Variants in ROPN1B observed in about 807,000 individuals in gnomAD.
The protein encoded by ROPN1B is ropporin-1B.
In ROPN1B, 13 loss-of-function variants were observed where a neutral mutation model predicts 23.7. That is an observed-to-expected ratio of 0.55 (90% CI 0.36 to 0.87). The LOEUF (loss-of-function observed/expected upper bound fraction) is 0.87, where lower values mean the gene tolerates loss of function less well. Ranked by LOEUF, ROPN1B falls within the 40% of genes least tolerant of loss-of-function variation. ROPN1B has a pLI of 0.01. For missense variants in ROPN1B, 183 were observed against 249.2 expected, an observed-to-expected ratio of 0.73 and a Z score of 1.79; for synonymous variants, 67 against 100.4, an observed-to-expected ratio of 0.67 and a Z score of 1.99.
At chr3:125,970,803 C>T (rs1246219071) in intron 1 of ROPN1B, among the ~76,000 whole-genome samples, 2 of 152,192 alleles carry the variant, frequency 1.3e-5, no homozygotes, top group African/African-American at 2.4e-5. Flanking sequence ...TGAAGTCCCA[C>T]CAATCTAAGA....
chr3:125,972,433 G>A (rs1938249459), intron 3 of ROPN1B: 2 of 532,118 alleles, frequency 3.8e-6, no homozygotes, highest in Non-Finnish European at 6.7e-6. Flanking sequence ...GGGGCAAGCA[G>A]CAAGTTAGAT....
At chr3:125,975,950 TCTCCAGAAAAGTGCAGGTCCTCAGTCA>T (rs1386602444) in intron 4 of ROPN1B, among the ~76,000 whole-genome samples, 2 of 152,156 alleles carry the variant, frequency 1.3e-5, no homozygotes, top group Non-Finnish European at 2.9e-5. Flanking sequence ...TAATCTTGTC[TCTCCAGAAAAGTGCAGGTCCTCAGTCA>T]CTCGACAGTG....
At chr3:125,979,967 C>A (rs888650191) in intron 5 of ROPN1B, among the ~76,000 whole-genome samples, 1 of 152,218 alleles carries the variant, frequency 6.6e-6, no homozygotes, top group Non-Finnish European at 1.5e-5. Context: ...ACCTCCTGTT[C>A]CACTGAACTG....
intron 4 of ROPN1B, 60 bp downstream of exon 4, chr3:125,975,740 A>G: frequency 6.7e-7 from 1 of 1,497,584 alleles, no homozygotes; most frequent in Non-Finnish European, 9.1e-7. Context: ...CTGGGTGGGT[A>G]CAGACGAAAG....
At chr3:125,983,209 T>C (rs1938669922) in intron 6 of ROPN1B, 45 bp from the exon 7 acceptor site, 1 of 1,296,476 alleles carries the variant, frequency 7.7e-7, no homozygotes, top group African/African-American at 1.5e-5. Context: ...TTTCTTAAGA[T>C]TAACTGTCAA....
chr3:125,975,489 G>T lies in ROPN1B; in HGVS notation c.117-74G>T, dbSNP rs760345983. 662 of 1,437,510 alleles carry T rather than the reference G, an allele frequency of 4.6e-4. 1 individual carries two copies. Among genetic ancestry groups the T allele is most frequent in the Non-Finnish European group, 5.6e-4 (590 of 1,057,778 alleles). 89.0% of individuals were successfully genotyped at this position (1,437,510 alleles called of 1,614,324 possible). ...TCTACCTCCTTCCCTCAGAAGAAGG[G>T]GGAAGGATTGCTAGAACAGCCAGAG... On this transcript the variant is annotated intron_variant, in intron 3 of 6. Coordinates refer to ENST00000514116, the MANE Select transcript of ROPN1B (RefSeq NM_001308313.2).
intron 5 of ROPN1B, among the ~76,000 whole-genome samples, chr3:125,978,714 C>T (rs1180181347): frequency 1.3e-5 from 2 of 152,160 alleles, no homozygotes; most frequent in African/African-American, 2.4e-5. Flanking sequence ...CCCGAGCTGG[C>T]TCATTTCAGT....
intron 2 of ROPN1B, among the ~76,000 whole-genome samples, chr3:125,971,514 G>A (rs1046946826): frequency 1.4e-4 from 22 of 152,334 alleles, no homozygotes; most frequent in African/African-American, 5.3e-4. Context: ...AAAACATGCA[G>A]CTATAAACAG....
chr3:125,971,868 G>C (rs1411673199), intron 2 of ROPN1B, among the ~76,000 whole-genome samples, 175 bp from the exon 3 acceptor site: 1 of 152,196 alleles, frequency 6.6e-6, no homozygotes, highest in Non-Finnish European at 1.5e-5. Context: ...ACAACAAAAA[G>C]TAGGGGTTAG....
At chr3:125,977,354 A>G (rs1580346692) in intron 5 of ROPN1B, 189 bp downstream of exon 5, 1 of 607,948 alleles carries the variant, frequency 1.6e-6, no homozygotes, top group Non-Finnish European at 3.0e-6. Context: ...GGTTGGGAGG[A>G]GGAGAGAGGG....
At chr3:125,975,531 A>T in intron 3 of ROPN1B, 32 bp from the exon 4 acceptor site, 1 of 1,581,868 alleles carries the variant, frequency 6.3e-7, no homozygotes, top group South Asian at 1.1e-5. Context: ...GGTGTATAGG[A>T]TCCTCCTACT....
At chr3:125,971,934 A>C in intron 2 of ROPN1B, 109 bp from the exon 3 acceptor site, 4 of 919,678 alleles carry the variant, frequency 4.3e-6, no homozygotes, top group Non-Finnish European at 6.4e-6. Flanking sequence ...TGTCTTGCGG[A>C]GTCCCCAAAA....
chr3:125,980,658 T>C (rs1185210194), intron 5 of ROPN1B, among the ~76,000 whole-genome samples: 1 of 152,168 alleles, frequency 6.6e-6, no homozygotes, highest in African/African-American at 2.4e-5. Flanking sequence ...CTTTGACATA[T>C]GAATTTTAGG....
At chr3:125,972,441 G>C (rs1289787860) in intron 3 of ROPN1B, 1 of 528,428 alleles carries the variant, frequency 1.9e-6, no homozygotes, top group East Asian at 2.9e-5. Flanking sequence ...CAGCAAGTTA[G>C]ATGACCGCGT....
At chr3:125,969,854 T>C (rs1160663277) in intron 1 of ROPN1B, among the ~76,000 whole-genome samples, 1 of 151,328 alleles carries the variant, frequency 6.6e-6, no homozygotes, top group Non-Finnish European at 1.5e-5. Flanking sequence ...CAGGCATTAT[T>C]TTATACCTGG....
At chr3:125,971,932 G>A in intron 2 of ROPN1B, 111 bp from the exon 3 acceptor site, 11 of 902,702 alleles carry the variant, frequency 1.2e-5, no homozygotes, top group Admixed American at 2.9e-5. Context: ...TTTGTCTTGC[G>A]GAGTCCCCAA....
At chr3:125,972,833 G>T in intron 3 of ROPN1B, 1 of 396,598 alleles carries the variant, frequency 2.5e-6, no homozygotes, top group Admixed American at 3.0e-5. Flanking sequence ...GCAGAGTGAT[G>T]GGGTCCTCAG....
At chr3:125,979,869 G>A (rs552482885) in intron 5 of ROPN1B, among the ~76,000 whole-genome samples, 6 of 152,274 alleles carry the variant, frequency 3.9e-5, no homozygotes, top group South Asian at 2.1e-4. Flanking sequence ...AGCTCTCTGC[G>A]TCGAATACAC....
At chr3:125,972,426 G>A (rs1938249258) in intron 3 of ROPN1B, 6 of 539,544 alleles carry the variant, frequency 1.1e-5, no homozygotes, top group Non-Finnish European at 2.0e-5. Flanking sequence ...GTGTCCTGGG[G>A]CAAGCAGCAA....
Sources: gnomAD v4.1 joint callset for allele counts (sites outside exome capture counted in the v4.1 genomes callset) on GRCh38, gnomAD v4.1.1 for gene constraint, MANE v1.5 for transcripts, NCBI Gene and HGNC (gene_info 2026-07-23, HGNC 2026-07-21) for gene names.